DSN1: variants seen among roughly 807,000 people sequenced by gnomAD.
DSN1 encodes DSN1 component of MIS12 kinetochore complex, also known as kinetochore-associated protein DSN1 homolog.
A neutral mutation model predicts 45.7 loss-of-function variants in DSN1; 31 were observed. The ratio of observed to expected loss-of-function variants is 0.68; its 90% CI spans 0.51 to 0.92. The LOEUF (loss-of-function observed/expected upper bound fraction) is 0.92, where lower values mean the gene tolerates loss of function less well. DSN1 is among the 40% of genes least tolerant of loss of function. DSN1 has a pLI of 0.00. For missense variants in DSN1, 394 were observed against 414.2 expected, an observed-to-expected ratio of 0.95 and a Z score of 0.42; for synonymous variants, 134 against 142.3, an observed-to-expected ratio of 0.94 and a Z score of 0.41.
chr20:36,763,934 C>CCAGG (rs1185139089), intron 5 of DSN1, among the ~76,000 whole-genome samples: 1 of 145,092 alleles, frequency 6.9e-6, no homozygotes, highest in Non-Finnish European at 1.5e-5. Flanking sequence ...ACCAAAAAGG[C>CCAGG]CAGGCATAGT....
Position 36,773,758 on chromosome 20 carries a change from G to C in DSN1, c.-112C>G, listed in dbSNP as rs542709466. On this transcript the variant is annotated 5_prime_UTR_variant, in exon 1 of 11. Coordinates refer to ENST00000373750, the MANE Select transcript of DSN1 (RefSeq NM_001145315.2). ...GATACTCCCTGATCAGGGTGAAGCGGTCTCCACCTTCTACGTCACGGTCAC... is the reference window on the plus strand; with the variant it reads ...GATACTCCCTGATCAGGGTGAAGCGCTCTCCACCTTCTACGTCACGGTCAC... The C allele has an allele frequency of 6.1e-6, 6 of 985,500 alleles. No individual in the cohort carries two copies. In the South Asian group the frequency reaches 1.4e-4, roughly 23 times the overall value. 61.0% of individuals were successfully genotyped at this position (985,500 alleles called of 1,614,324 possible). A position where few individuals can be genotyped will look rare whatever the true frequency, so the allele number is the denominator to read the frequency against.
chr20:36,767,899 C>T (rs1987434131), intron 4 of DSN1, 70 bp downstream of exon 4: 2 of 1,519,198 alleles, frequency 1.3e-6, no homozygotes, highest in South Asian at 2.2e-5. Flanking sequence ...CAGGCTCCAT[C>T]TAAAAACAAA....
intron 6 of DSN1, among the ~76,000 whole-genome samples, chr20:36,759,483 A>T (rs903805418): frequency 5.3e-5 from 8 of 151,430 alleles, no homozygotes; most frequent in Non-Finnish European, 1.2e-4. Context: ...TCCACTAGGT[A>T]ATAACTTTCT....
chr20:36,767,694 G>A (rs917543850), intron 4 of DSN1, among the ~76,000 whole-genome samples: 7 of 152,168 alleles, frequency 4.6e-5, no homozygotes, highest in African/African-American at 1.7e-4. Context: ...AGGAGGTCAG[G>A]AGATCGAGAC....
intron 6 of DSN1, 105 bp from the exon 7 acceptor site, chr20:36,758,722 T>C (rs1044806821): frequency 8.6e-7 from 1 of 1,159,028 alleles, no homozygotes; most frequent in African/African-American, 1.6e-5. Flanking sequence ...AGTTTCCCTC[T>C]TGTTGCCCAG....
intron 1 of DSN1, among the ~76,000 whole-genome samples, chr20:36,772,509 G>A (rs923128977): frequency 1.6e-4 from 25 of 151,796 alleles, no homozygotes; most frequent in Non-Finnish European, 2.9e-4. Flanking sequence ...GGCTGGTCTC[G>A]AACTCTTGAC....
rs770135730 is a variant in DSN1 at position 36,768,040 on chromosome 20, G to C, written c.358C>G (p.Leu120Val). The change falls in exon 4 of 11, where the codon CTC becomes GTC. Residue 120 changes from leucine (L) to valine (V), a missense_variant and splice_region_variant. Physicochemically the swap from Leu to Val is conservative, Grantham distance 32 (BLOSUM62 1). Transcript: ENST00000373750. ...AAATCGACACTGATAGACCGGCTGA[G>C]CTCTAACATAAAACATAGCCACATT... ...LHPIHQGITE[L>V]SRSISVDLAE... 6.2e-7 allele frequency: 1 copy of C among 1,614,056 alleles called. No homozygotes were observed. The highest frequency in any genetic ancestry group is 8.5e-7 in the Non-Finnish European group (1 of 1,179,974).
chr20:36,760,770 C>A (rs1028682521), intron 6 of DSN1, among the ~76,000 whole-genome samples: 1 of 152,092 alleles, frequency 6.6e-6, no homozygotes, highest in Non-Finnish European at 1.5e-5. Context: ...TGCCTGTAAT[C>A]CTAGCTACTC....
chr20:36,755,789 G>T lies in DSN1; in HGVS notation c.766C>A (p.Pro256Thr), dbSNP rs1287959169. ...TGAGAAGACCCAAGATATGTCATAG[G>T]TTCCACTTTGACCTCAGTAATTTTG... The part of the protein sequence containing the change: ...EAKITEVKVE[P>T]MTYLGSSQNE... The change falls in exon 9 of 11, where the codon CCT becomes ACT. Residue 256 changes from proline (P) to threonine (T), a missense_variant. Coordinates refer to ENST00000373750, the MANE Select transcript of DSN1 (RefSeq NM_001145315.2). The T allele has an allele frequency of 1.2e-6, 2 of 1,613,842 alleles. No individual in the cohort carries two copies. The highest frequency in any genetic ancestry group is 1.7e-6 in the Non-Finnish European group (2 of 1,179,990).
intron 6 of DSN1, among the ~76,000 whole-genome samples, chr20:36,761,932 C>A (rs1987003672): frequency 6.6e-6 from 1 of 151,584 alleles, no homozygotes; most frequent in Non-Finnish European, 1.5e-5. Context: ...TGGTTTGAAC[C>A]CGGGAGATGG....
Position 36,766,632 on chromosome 20 carries a change from G to C in DSN1, c.502+137C>G, listed in dbSNP as rs1035297951. On this transcript the variant is annotated intron_variant, in intron 5 of 10. Transcript: ENST00000373750. ...ATCACCCTACTGCACTCCAGTCTGGGCAAGAGTGAGACTCTGTCTAAAAAA... is the reference window on the plus strand; with the variant it reads ...ATCACCCTACTGCACTCCAGTCTGGCCAAGAGTGAGACTCTGTCTAAAAAA... The C allele has an allele frequency of 5.6e-4, 429 of 762,720 alleles. 4 individuals are homozygous for C. Among genetic ancestry groups the C allele is most frequent in the Middle Eastern group, 2.4e-4 (1 of 4,242 alleles). The allele number at this position is 762,720 out of a possible 1,614,324, so 47.2% of individuals were successfully genotyped here.
intron 5 of DSN1, among the ~76,000 whole-genome samples, chr20:36,764,360 C>T (rs916419773): frequency 2.0e-5 from 3 of 152,158 alleles, no homozygotes; most frequent in African/African-American, 7.2e-5. Context: ...AGCATATCTA[C>T]TTTAATTAAG....
chr20:36,762,458 T>C lies in DSN1; in HGVS notation c.590+3A>G. 6.2e-7 allele frequency: 1 copy of C among 1,613,056 alleles called. No individual in the cohort carries two copies. The highest frequency in any genetic ancestry group is 8.5e-7 in the Non-Finnish European group (1 of 1,179,522). ...TTTAGGACAGAAGGGGAACTGCTCTTACCCATTTGAATCTTCAAAACATTT... is the reference window on the plus strand; with the variant it reads ...TTTAGGACAGAAGGGGAACTGCTCTCACCCATTTGAATCTTCAAAACATTT... On this transcript the variant is annotated splice_donor_region_variant and intron_variant, in intron 6 of 10. Coordinates refer to ENST00000373750, the MANE Select transcript of DSN1 (RefSeq NM_001145315.2).
Position 36,757,983 on chromosome 20 carries a change from C to T in DSN1, c.725+104G>A, listed in dbSNP as rs562766867. On this transcript the variant is annotated intron_variant, in intron 8 of 10. Transcript: ENST00000373750. ...ACAGAATTTGATGAGCTTATTGGCC[C>T]GTGAGAAAGGATTCATCTTTCAATT... 19 of 1,090,948 alleles carry T rather than the reference C, an allele frequency of 1.7e-5. 1 individual carries two copies. The highest frequency in any genetic ancestry group is 2.7e-5 in the South Asian group (2 of 72,786). The allele number at this position is 1,090,948 out of a possible 1,614,324, so 67.6% of individuals were successfully genotyped here.
chr20:36,752,713 C>T lies in DSN1; in HGVS notation c.*75G>A, dbSNP rs1259113740. On this transcript the variant is annotated 3_prime_UTR_variant, in exon 11 of 11. Coordinates refer to ENST00000373750, the MANE Select transcript of DSN1 (RefSeq NM_001145315.2). ...CTTCAAAGGCAACGAGCAGAAATCA[C>T]GCAGTCACCACGTGCTGGGGCACTC... The T allele has an allele frequency of 1.7e-5, 20 of 1,202,144 alleles. No homozygotes were observed. Among genetic ancestry groups the T allele is most frequent in the South Asian group, 5.0e-5 (4 of 80,382 alleles). The allele number at this position is 1,202,144 out of a possible 1,614,324, so 74.5% of individuals were successfully genotyped here.
At chr20:36,769,709 G>C (rs1987529966) in intron 3 of DSN1, among the ~76,000 whole-genome samples, 1 of 152,006 alleles carries the variant, frequency 6.6e-6, no homozygotes, top group Non-Finnish European at 1.5e-5. Context: ...TTGCTGATGA[G>C]GACCTTAAGA....
intron 5 of DSN1, among the ~76,000 whole-genome samples, chr20:36,763,952 T>C (rs1196435688): frequency 2.7e-5 from 4 of 147,378 alleles, no homozygotes; most frequent in African/African-American, 1.0e-4. Context: ...AGTGCCTCAC[T>C]GCTATAATCC....
chr20:36,756,610 T>C (rs1986691234), intron 8 of DSN1, among the ~76,000 whole-genome samples: 1 of 152,226 alleles, frequency 6.6e-6, no homozygotes, highest in Admixed American at 6.5e-5. Context: ...CTGGGCACTT[T>C]ACATTTAACC....
At position 36,762,509 on chromosome 20, in the gene DSN1, C is replaced by G; in HGVS notation, c.542G>C (p.Gly181Ala). ...LSEELKHFAD[G>A]LETDGTLQKC... ...TTGTAGAGTTCCATCAGTTTCCAGT[C>G]CGTCTGCAAAATGTTTCAATTCTTC... The change falls in exon 6 of 11, where the codon GGA becomes GCA. Residue 181 changes from glycine to alanine, a missense_variant. Transcript: ENST00000373750. The G allele has an allele frequency of 6.2e-7, 1 of 1,613,810 alleles. No individual in the cohort carries two copies.
Sources: allele counts gnomAD v4.1 joint callset (sites outside exome capture counted in the v4.1 genomes callset), GRCh38; gene constraint gnomAD v4.1.1; transcripts MANE v1.5; gene names NCBI Gene and HGNC (gene_info 2026-07-23, HGNC 2026-07-21).